The following CSMD1 variants were observed in gnomAD, a reference collection of about 807,000 sequenced individuals.
CSMD1 encodes CUB and sushi domain-containing protein 1.
In CSMD1, 213 loss-of-function variants were observed where a neutral mutation model predicts 417.5. That is an observed-to-expected ratio of 0.51 (90% CI 0.46 to 0.57). The LOEUF is 0.57. Ranked by LOEUF, CSMD1 falls within the 20% of genes least tolerant of loss-of-function variation. The pLI is 0.00. For synonymous variants in CSMD1, 2,862 were observed against 1,736.8 expected (o/e 1.65, Z -16.11); for missense variants, 6,923 against 4,529.7 (o/e 1.53, Z -15.17).
In CSMD1 at chr8:3,268,287, C is replaced by CTTTTTTTTTT. The variant is rs1172040830; in HGVS notation, c.4153+15856_4153+15857insAAAAAAAAAA. On this transcript the variant is annotated intron_variant, in intron 26 of 69. Coordinates refer to ENST00000635120, the MANE Select transcript of CSMD1 (RefSeq NM_033225.6). ...AGGGTGTGGTCAGATGGTTCATTTCCTATTTTTTTTTTTTTTTTTTTTTTT... is the reference window on the plus strand; with the variant it reads ...AGGGTGTGGTCAGATGGTTCATTTCCTTTTTTTTTTTATTTTTTTTTTTTTTTTTTTTTTT... Among the ~76,000 whole-genome samples the CTTTTTTTTTT allele has an allele frequency of 9.3e-4, 107 of 114,614 alleles. 7 individuals are homozygous for CTTTTTTTTTT. The highest frequency in any genetic ancestry group is 1.1e-3 in the African/African-American group (32 of 28,822). 75.2% of individuals were successfully genotyped at this position (114,614 alleles called of 152,430 possible).
At chr8:4,102,710 A>C (rs557956125) in intron 3 of CSMD1, among the ~76,000 whole-genome samples, 6 of 152,208 alleles carry the variant, frequency 3.9e-5, no homozygotes, top group Non-Finnish European at 8.8e-5. Flanking sequence ...CCTAAAATGT[A>C]TCCAAAAGAT....
At chr8:4,897,279 C>T (rs1391754638) in intron 1 of CSMD1, among the ~76,000 whole-genome samples, 1 of 151,850 alleles carries the variant, frequency 6.6e-6, no homozygotes, top group Non-Finnish European at 1.5e-5. Context: ...TTTAAGTGTT[C>T]ATTTAGGTAA....
At chr8:3,860,281 C>A (rs1457669436) in intron 5 of CSMD1, among the ~76,000 whole-genome samples, 2 of 152,072 alleles carry the variant, frequency 1.3e-5, no homozygotes, top group East Asian at 1.9e-4. Flanking sequence ...GAGAACTCTG[C>A]CCTTGGGAAA....
At chr8:3,805,209 G>C (rs915631875) in intron 5 of CSMD1, among the ~76,000 whole-genome samples, 3 of 152,154 alleles carry the variant, frequency 2.0e-5, no homozygotes, top group African/African-American at 4.8e-5. Context: ...AAGGGAAGGA[G>C]TCAGTTTCCT....
At chr8:3,838,200 G>A (rs1370984317) in intron 5 of CSMD1, among the ~76,000 whole-genome samples, 1 of 151,922 alleles carries the variant, frequency 6.6e-6, no homozygotes, top group Non-Finnish European at 1.5e-5. Context: ...CCTTCCTATG[G>A]ATAGATAACT....
chr8:4,115,742 A>G (rs1477161096), intron 3 of CSMD1, among the ~76,000 whole-genome samples: 1 of 152,126 alleles, frequency 6.6e-6, no homozygotes, highest in Non-Finnish European at 1.5e-5. Context: ...TGGACTGTCA[A>G]TATTCAGTGC....
chr8:4,328,901 A>G (rs1799707401), intron 3 of CSMD1, among the ~76,000 whole-genome samples: 1 of 152,240 alleles, frequency 6.6e-6, no homozygotes, highest in South Asian at 2.1e-4. Context: ...TCATTTGTAT[A>G]TATTGGTAGT....
intron 51 of CSMD1, among the ~76,000 whole-genome samples, chr8:3,028,435 C>T (rs1810107420): frequency 6.6e-6 from 1 of 152,116 alleles, no homozygotes; most frequent in South Asian, 2.1e-4. Flanking sequence ...GAGTGACAAG[C>T]AATCACTAAT....
At chr8:3,726,754 A>G (rs572813426) in intron 6 of CSMD1, among the ~76,000 whole-genome samples, 1 of 152,276 alleles carries the variant, frequency 6.6e-6, no homozygotes, top group Admixed American at 6.5e-5. Context: ...TCCAGTTCTC[A>G]TTCCTGAGCC....
chr8:3,694,582 C>T (rs1800444878), intron 7 of CSMD1, among the ~76,000 whole-genome samples: 1 of 151,950 alleles, frequency 6.6e-6, no homozygotes, highest in Admixed American at 6.6e-5. Flanking sequence ...CGAGACTCCC[C>T]ACCCTGCAAA....
intron 1 of CSMD1, 132 bp from the exon 2 acceptor site, chr8:4,637,690 G>A (rs1398433075): frequency 1.9e-6 from 1 of 517,730 alleles, no homozygotes; most frequent in Non-Finnish European, 3.2e-6. Flanking sequence ...TTGAGACGGA[G>A]TCTCGCTCTG....
chr8:3,651,523 G>C (rs1400955550), intron 7 of CSMD1, among the ~76,000 whole-genome samples: 1 of 152,120 alleles, frequency 6.6e-6, no homozygotes, highest in Non-Finnish European at 1.5e-5. Context: ...GGTTTCTCCA[G>C]GTGTCTCCTC....
At chr8:3,740,844 G>C (rs532678549) in intron 6 of CSMD1, among the ~76,000 whole-genome samples, 2 of 152,124 alleles carry the variant, frequency 1.3e-5, no homozygotes, top group Non-Finnish European at 2.9e-5. Context: ...GCCCAGTGGA[G>C]GAGAGTATAG....
chr8:4,116,474 T>C (rs543935766), intron 3 of CSMD1, among the ~76,000 whole-genome samples: 48 of 133,592 alleles, frequency 3.6e-4, no homozygotes, highest in African/African-American at 1.4e-3. Flanking sequence ...AAACGCGCCA[T>C]GAATGAACCC....
intron 3 of CSMD1, among the ~76,000 whole-genome samples, chr8:4,254,442 C>G (rs1803303342): frequency 6.6e-6 from 1 of 152,118 alleles, no homozygotes; most frequent in South Asian, 2.1e-4. Context: ...TGGAGCTGAA[C>G]AATGATCACT....
chr8:3,180,251 C>G (rs2129047247), intron 37 of CSMD1, among the ~76,000 whole-genome samples: 1 of 152,336 alleles, frequency 6.6e-6, no homozygotes, highest in East Asian at 1.9e-4. Flanking sequence ...TTCCATTTAT[C>G]AGACTATTAA....
At chr8:3,490,707 C>CT (rs1344182163) in intron 11 of CSMD1, among the ~76,000 whole-genome samples, 2 of 152,144 alleles carry the variant, frequency 1.3e-5, no homozygotes, top group Admixed American at 1.3e-4. Flanking sequence ...GCCAGAAACT[C>CT]TATCTTTGAC....
intron 3 of CSMD1, among the ~76,000 whole-genome samples, chr8:4,215,717 T>C (rs1800626913): frequency 6.6e-6 from 1 of 152,212 alleles, no homozygotes; most frequent in South Asian, 2.1e-4. Context: ...AACTCAAATG[T>C]ACATGTGAAT....
Position 2,970,285 on chromosome 8 carries a change from C to T in CSMD1, c.8923+2832G>A, listed in dbSNP as rs576802262. Among the ~76,000 whole-genome samples, 22 of 152,210 alleles carry T rather than the reference C, an allele frequency of 1.4e-4. No individual in the cohort carries two copies. In the East Asian group the frequency reaches 3.3e-3, roughly 23 times the overall value. ...CCTCAACTGTTATAATTTTGTTCAT[C>T]TTTTAAGTTTTCAAAACTGAAATAC... On this transcript the variant is annotated intron_variant, in intron 57 of 69. Coordinates refer to ENST00000635120, the MANE Select transcript of CSMD1 (RefSeq NM_033225.6).
Sources: gnomAD v4.1 joint callset for allele counts (sites outside exome capture counted in the v4.1 genomes callset) on GRCh38, gnomAD v4.1.1 for gene constraint, MANE v1.5 for transcripts, NCBI Gene and HGNC (gene_info 2026-07-23, HGNC 2026-07-21) for gene names.